The following MATK variants were observed in gnomAD, a reference collection of about 807,000 sequenced individuals.
MATK encodes megakaryocyte-associated tyrosine kinase, also known as megakaryocyte-associated tyrosine-protein kinase.
In MATK, 41 loss-of-function variants were observed where a neutral mutation model predicts 59.8. The ratio of observed to expected loss-of-function variants is 0.69; its 90% CI spans 0.53 to 0.89. MATK has a LOEUF of 0.89. Among genes scored for constraint, MATK ranks in the 40% least tolerant of loss-of-function variants. MATK has a pLI of 0.00. For missense variants in MATK, 593 were observed against 719.6 expected, an observed-to-expected ratio of 0.82 and a Z score of 2.01; for synonymous variants, 308 against 306.1, an observed-to-expected ratio of 1.01 and a Z score of -0.06.
At position 3,778,425 on chromosome 19, in the gene MATK, G is replaced by T. The variant is rs1363219190; in HGVS notation, c.1285-3C>A. The T allele has an allele frequency of 6.2e-7, 1 of 1,613,228 alleles. No homozygotes were observed. The highest frequency in any genetic ancestry group is 1.3e-5 in the African/African-American group (1 of 74,932). On this transcript the variant is annotated splice_polypyrimidine_tract_variant and splice_region_variant and intron_variant, in intron 13 of 13. Transcript: ENST00000310132. ...GCCTCCGACACCTCTTTCAGTGACT[G>T]CGGACAGCAGGCGTGGGCAGGGGTC...
Position 3,786,372 on chromosome 19 carries a change from C to G in MATK, c.-355G>C, listed in dbSNP as rs1232347291. 1.0e-6 allele frequency: 1 copy of G among 982,716 alleles called. No individual in the cohort carries two copies. The highest frequency in any genetic ancestry group is 1.2e-6 in the Non-Finnish European group (1 of 828,824). The allele number at this position is 982,716 out of a possible 1,614,324, so 60.9% of individuals were successfully genotyped here. A position where few individuals can be genotyped will look rare whatever the true frequency, so the allele number is the denominator to read the frequency against. On this transcript the variant is annotated 5_prime_UTR_variant, in exon 1 of 14. Transcript: ENST00000310132. The surrounding 1 kb of genome is among the most constrained non-coding windows in gnomAD (Gnocchi z 4.1). ...GGGAGGCCCCCGCGGGTCCTAGCGC[C>G]GGCCGCACTGCGGTCTCCTCCGCGC...
chr19:3,783,837 A>G lies in MATK; in HGVS notation c.559T>C (p.Cys187Arg). 1 of 1,612,580 alleles carries G rather than the reference A, an allele frequency of 6.2e-7. No homozygotes were observed. Among genetic ancestry groups the G allele is most frequent in the Non-Finnish European group, 8.5e-7 (1 of 1,179,442 alleles). ...HLTIDEAVFFCNLMDMVEHYS... is the reference protein window; with the variant it reads ...HLTIDEAVFFRNLMDMVEHYS... ...ACCTCCACCATGTCCATGAGGTTGC[A>G]GAAGAACACGGCCTCATCGATTGTG... is the stretch of plus-strand genomic sequence containing the variant. The change falls in exon 6 of 14, where the codon TGC becomes CGC. Residue 187 changes from cysteine to arginine, a missense_variant. Cys to Arg is a radical substitution (Grantham distance 180, BLOSUM62 -3). Transcript: ENST00000310132.
At chr19:3,790,013 T>C (rs980127327), upstream of MATK, among the ~76,000 whole-genome samples, 2 of 152,192 alleles carry the variant, frequency 1.3e-5, no homozygotes, top group Non-Finnish European at 2.9e-5. Context: ...GTGATTCGCC[T>C]TCCTCAGCCT....
At chr19:3,801,084 G>T (rs1012669042) in intron 1 of MATK, among the ~76,000 whole-genome samples, 4 of 152,084 alleles carry the variant, frequency 2.6e-5, no homozygotes, top group Non-Finnish European at 5.9e-5. Context: ...TAATCCGCCC[G>T]CCTCGGCCTC....
upstream of MATK, among the ~76,000 whole-genome samples, chr19:3,791,382 G>A (rs567763260): frequency 1.6e-3 from 236 of 147,716 alleles, no homozygotes; most frequent in African/African-American, 5.5e-3. Context: ...GTATTGCTCT[G>A]TTCCAAGACG....
At chr19:3,781,270 C>T (rs563443481) in intron 8 of MATK, among the ~76,000 whole-genome samples, 21 of 152,054 alleles carry the variant, frequency 1.4e-4, no homozygotes, top group Non-Finnish European at 2.8e-4. Context: ...GAGAGTCTGC[C>T]GACCCCTGAT....
chr19:3,789,467 C>T (rs554163240), upstream of MATK: 90 of 578,464 alleles, frequency 1.6e-4, no homozygotes, highest in African/African-American at 1.5e-3. Flanking sequence ...GGCAGGAGGC[C>T]TCACCCCAGA....
chr19:3,781,121 G>T (rs866632182), intron 8 of MATK, among the ~76,000 whole-genome samples: 6 of 152,106 alleles, frequency 3.9e-5, no homozygotes, highest in South Asian at 2.1e-4. Flanking sequence ...AAATTTCTGG[G>T]TCATAGTTTT....
intron 6 of MATK, 180 bp from the exon 7 acceptor site, chr19:3,783,399 T>C (rs1173207861): frequency 4.8e-6 from 3 of 627,966 alleles, no homozygotes; most frequent in Admixed American, 2.5e-5. Context: ...TGGATTGGTA[T>C]CAACTTGGGG....
Position 3,786,089 on chromosome 19 carries a change from C to T in MATK, c.-152+80G>A. On this transcript the variant is annotated intron_variant, in intron 1 of 13. Transcript: ENST00000310132. This position sits in a 1 kb window ranked among gnomAD's most constrained non-coding sequence, Gnocchi z 4.1. ...GGCCCTTCCTGCGCACGTCCCGGGC[C>T]CACCCCCGCCTAGAGCCCTCGGGGT... 1.7e-6 allele frequency: 1 copy of T among 587,848 alleles called. No homozygotes were observed. The highest frequency in any genetic ancestry group is 2.1e-6 in the Non-Finnish European group (1 of 466,262). The allele number at this position is 587,848 out of a possible 1,614,324, so 36.4% of individuals were successfully genotyped here. A position where few individuals can be genotyped will look rare whatever the true frequency, so the allele number is the denominator to read the frequency against.
upstream of MATK, among the ~76,000 whole-genome samples, chr19:3,786,971 C>T (rs1416041137): frequency 6.6e-6 from 1 of 151,982 alleles, no homozygotes; most frequent in African/African-American, 2.4e-5. The surrounding 1 kb of genome is among the most constrained non-coding windows in gnomAD (Gnocchi z 4.1). Flanking sequence ...GGATTTCCTC[C>T]CCCATATGGA....
rs187754739 is a variant in MATK, at chr19:3,794,532, G to T, written c.-57-5128C>A. Reference sequence around the variant, plus strand: ...TAGCTGGGTGTGGTGGTGTATGCCTGTAGTCCCAGCCACTCAGGAAGCTGA... The same window carrying T: ...TAGCTGGGTGTGGTGGTGTATGCCTTTAGTCCCAGCCACTCAGGAAGCTGA... On this transcript the variant is annotated intron_variant, in intron 1 of 13. Coordinates refer to the MATK transcript ENST00000395045. Among the ~76,000 whole-genome samples the T allele has an allele frequency of 1.3e-3, 192 of 152,188 alleles. 1 individual carries two copies. The highest frequency in any genetic ancestry group is 2.0e-3 in the Admixed American group (30 of 15,264).
At chr19:3,801,469 TC>T (rs1218158814) in intron 1 of MATK, 1 of 152,400 alleles carries the variant, frequency 6.6e-6, no homozygotes, top group Non-Finnish European at 1.5e-5. Flanking sequence ...GTCTTTCCAG[TC>T]CCGCCTGCCG....
At chr19:3,801,714 G>C (rs544227524) in exon 1 of MATK, 1 of 152,290 alleles carries the variant, frequency 6.6e-6, no homozygotes, top group Non-Finnish European at 1.5e-5. Flanking sequence ...GCGGAGGACG[G>C]GTCAGGAGCG....
chr19:3,784,515 C>T (rs776254579), intron 3 of MATK, 64 bp from the exon 4 acceptor site: 337 of 1,174,428 alleles, frequency 2.9e-4, no homozygotes, highest in Non-Finnish European at 3.9e-4. Context: ...AGCAGAGGCA[C>T]GGGAGGGGAA....
intron 1 of MATK, among the ~76,000 whole-genome samples, chr19:3,791,979 G>A (rs2037546844): frequency 6.6e-6 from 1 of 152,090 alleles, no homozygotes; most frequent in Non-Finnish European, 1.5e-5. Flanking sequence ...GTGGCGGCGG[G>A]TGCCTATAAT....
intron 1 of MATK, among the ~76,000 whole-genome samples, chr19:3,794,065 C>T (rs1233375664): frequency 6.6e-6 from 1 of 152,032 alleles, no homozygotes; most frequent in African/African-American, 2.4e-5. Flanking sequence ...CCTAGTACTA[C>T]ATCCTTCCCC....
intron 1 of MATK, 148 bp from the exon 2 acceptor site, chr19:3,785,434 C>CG (rs978292057): frequency 7.7e-6 from 4 of 516,686 alleles, no homozygotes; most frequent in South Asian, 2.1e-5. Context: ...CTCTCTGATC[C>CG]CCCCCCAAAC....
In MATK at chr19:3,796,853, G is replaced by A. The variant is rs1370716824; in HGVS notation, c.-58+4679C>T. Among the ~76,000 whole-genome samples, 3 of 152,160 alleles carry A rather than the reference G, an allele frequency of 2.0e-5. No individual in the cohort carries two copies. The East Asian group carries it at 5.8e-4, about 29-fold the overall frequency. On this transcript the variant is annotated intron_variant, in intron 1 of 13. Coordinates refer to the MATK transcript ENST00000395045. ...AGAGGTTTGGCTGACAGTATTGTAG[G>A]TGGATACTTTTCTTTTGCCCAATGT...
Sources: allele counts gnomAD v4.1 joint callset (sites outside exome capture counted in the v4.1 genomes callset), GRCh38; gene constraint gnomAD v4.1.1; non-coding constraint Gnocchi (gnomAD v3.1); transcripts MANE v1.5; gene names NCBI Gene and HGNC (gene_info 2026-07-23, HGNC 2026-07-21).